The following PDGFRB variants were observed in gnomAD, a reference collection of about 807,000 sequenced individuals.
PDGFRB encodes the protein platelet derived growth factor receptor beta.
Under a neutral mutation model 120.2 loss-of-function variants are expected in PDGFRB, and 42 were observed. That is an observed-to-expected ratio of 0.35 (90% CI 0.27 to 0.45). The LOEUF (loss-of-function observed/expected upper bound fraction) is 0.45, where lower values mean the gene tolerates loss of function less well. PDGFRB is among the 20% of genes least tolerant of loss of function. The pLI is 1.00. For synonymous variants in PDGFRB, 586 were observed against 606.8 expected (o/e 0.97, Z 0.50); for missense variants, 1,149 against 1,476.3 (o/e 0.78, Z 3.63).
chr5:150,115,736 A>T lies in PDGFRB; in HGVS notation c.*27T>A, dbSNP rs2113879829. On this transcript the variant is annotated 3_prime_UTR_variant, in exon 23 of 23. Coordinates refer to ENST00000261799, the MANE Select transcript of PDGFRB (RefSeq NM_002609.4). ...TGGGTGCTGGCAGGGGGGGAGCTTCAGGCAGGGCAGGGTAGGGGCCAGCCC... is the reference window on the plus strand; with the variant it reads ...TGGGTGCTGGCAGGGGGGGAGCTTCTGGCAGGGCAGGGTAGGGGCCAGCCC... 6.5e-7 allele frequency: 1 copy of T among 1,537,650 alleles called. No individual in the cohort carries two copies. Among genetic ancestry groups the T allele is most frequent in the Non-Finnish European group, 8.8e-7 (1 of 1,142,516 alleles).
rs201913820 is a variant in PDGFRB, at chr5:150,131,453, A to G, written c.1243+526T>C. ...CCCTGATCACTGTATCAAAAATGCA[A>G]CTCACACCATCACTCTGTGCCCAGC... On this transcript the variant is annotated intron_variant, in intron 8 of 22. Coordinates refer to ENST00000261799, the MANE Select transcript of PDGFRB (RefSeq NM_002609.4). 2.2e-4 allele frequency among the ~76,000 whole-genome samples: 33 copies of G among 152,090 alleles called. No individual in the cohort carries two copies. In the East Asian group the frequency reaches 4.8e-3, roughly 22 times the overall value.
intron 8 of PDGFRB, 146 bp from the exon 9 acceptor site, chr5:150,130,808 T>C (rs1383721964): frequency 5.6e-6 from 4 of 712,512 alleles, no homozygotes; most frequent in Non-Finnish European, 9.6e-6. Flanking sequence ...GGAATCAGTG[T>C]GAAAACCGAT....
chr5:150,124,170 G>A (rs774367282), intron 14 of PDGFRB, 80 bp downstream of exon 14: 5 of 927,484 alleles, frequency 5.4e-6, no homozygotes, highest in African/African-American at 1.6e-5. Flanking sequence ...TGTTGTGCAA[G>A]GCCTGAGGGG....
chr5:150,124,326 C>T lies in PDGFRB; in HGVS notation c.1947G>A (p.Met649Ile), dbSNP rs1760231991. The T allele has an allele frequency of 1.9e-6, 3 of 1,614,168 alleles. No individual in the cohort carries two copies. Among genetic ancestry groups the T allele is most frequent in the Non-Finnish European group, 2.5e-6 (3 of 1,179,994 alleles). The change falls in exon 14 of 23, where the codon ATG (methionine) becomes ATA (isoleucine). Residue 649 changes from methionine (M) to isoleucine (I), a missense_variant. Around this residue, in one of 3 missense-constraint regions of PDGFRB, gnomAD observed 879 missense variants for 1,108.6 expected, o/e 0.79. Transcript: ENST00000261799. ...GGTGACTCATGATCTTCAGCTCCGACATAAGGGCTTGCTTCTCACTGCTGC... is the reference window on the plus strand; with the variant it reads ...GGTGACTCATGATCTTCAGCTCCGATATAAGGGCTTGCTTCTCACTGCTGC... ...TARSSEKQAL[M>I]SELKIMSHLG...
Position 150,125,523 on chromosome 5 carries a change from G to A in PDGFRB, c.1729C>T (p.His577Tyr). 6.2e-7 allele frequency: 1 copy of A among 1,613,844 alleles called. No homozygotes were observed. Among genetic ancestry groups the A allele is most frequent in the Non-Finnish European group, 8.5e-7 (1 of 1,179,734 alleles). The change falls in exon 12 of 23, where the codon CAT (histidine) becomes TAT (tyrosine). Residue 577 changes from histidine to tyrosine, a missense_variant. His to Tyr is a moderately conservative substitution (Grantham distance 83, BLOSUM62 2). Around this residue, in one of 3 missense-constraint regions of PDGFRB, gnomAD observed 879 missense variants for 1,108.6 expected, o/e 0.79. Transcript: ENST00000261799. ...ATGGGGTCCACGTAGATGTACTCAT[G>A]GCCGTCAGAGCTCACAGACTCAATC... ...KVIESVSSDG[H>Y]EYIYVDPMQL...
rs750457698 is a variant in PDGFRB at position 150,135,804 on chromosome 5, C to T, written c.115G>A (p.Gly39Arg). ...GAGACATTGAGGACAAGCTCTGGCC[C>T]CGGGGGTGTGACGACCAGGCCCTGA... ...ISQGLVVTPPGPELVLNVSST... is the reference protein window; with the variant it reads ...ISQGLVVTPPRPELVLNVSST... Residue 39 changes from glycine (G) to arginine (R), a missense_variant, in exon 3 of 23, where the codon GGG (glycine) becomes AGG (arginine). Physicochemically the swap from Gly to Arg is moderately radical, Grantham distance 125. Coordinates refer to ENST00000261799, the MANE Select transcript of PDGFRB (RefSeq NM_002609.4). The T allele has an allele frequency of 6.3e-7, 1 of 1,592,856 alleles. No individual in the cohort carries two copies. Among genetic ancestry groups the T allele is most frequent in the South Asian group, 1.1e-5 (1 of 87,478 alleles).
rs1208162112 is a variant in PDGFRB, at chr5:150,135,410, C to T, written c.364+145G>A. 3.6e-5 allele frequency: 24 copies of T among 675,644 alleles called. No homozygotes were observed. The East Asian group carries it at 3.8e-4, about 11-fold the overall frequency. 41.9% of individuals were successfully genotyped at this position (675,644 alleles called of 1,614,324 possible). A position where few individuals can be genotyped will look rare whatever the true frequency, so the allele number is the denominator to read the frequency against. The stretch of plus-strand genomic sequence containing the variant: ...AAGGAGTGGGTGCGAACACACTCCC[C>T]GACTGAGCCAGGCTGGTTCCATGAT... On this transcript the variant is annotated intron_variant, in intron 3 of 22. Transcript: ENST00000261799.
Position 150,129,948 on chromosome 5 carries a change from G to A in PDGFRB, c.1388C>T (p.Pro463Leu), listed in dbSNP as rs1760413547. ...DLKRCPRELP[P>L]TLLGNSSEEE... ...TTCGGAACTGTTCCCCAGCAGCGTG[G>A]GCGGCAGCTCACGTGGACACCTGCC... The change falls in exon 10 of 23, where the codon CCC (proline) becomes CTC (leucine). Residue 463 changes from proline to leucine, a missense_variant. Pro to Leu is a moderately conservative substitution (Grantham distance 98). Around this residue, in one of 3 missense-constraint regions of PDGFRB, gnomAD observed 879 missense variants for 1,108.6 expected, o/e 0.79. Coordinates refer to ENST00000261799, the MANE Select transcript of PDGFRB (RefSeq NM_002609.4). 2 of 1,613,734 alleles carry A rather than the reference G, an allele frequency of 1.2e-6. No homozygotes were observed. Among genetic ancestry groups the A allele is most frequent in the African/African-American group, 2.7e-5 (2 of 74,950 alleles).
In PDGFRB at chr5:150,135,803, C is replaced by G. The variant is rs2113912717; in HGVS notation, c.116G>C (p.Gly39Ala). The change falls in exon 3 of 23, where the codon GGG (glycine) becomes GCG (alanine). Residue 39 changes from glycine (G) to alanine (A), a missense_variant. Physicochemically the swap from Gly to Ala is moderately conservative, Grantham distance 60 (BLOSUM62 0). This residue lies in a region of PDGFRB where 879 missense variants were observed against 1,108.6 expected (regional missense o/e 0.79). Transcript: ENST00000261799. ...GGAGACATTGAGGACAAGCTCTGGC[C>G]CCGGGGGTGTGACGACCAGGCCCTG... ...ISQGLVVTPP[G>A]PELVLNVSST... 6.3e-7 allele frequency: 1 copy of G among 1,593,060 alleles called. No homozygotes were observed. Among genetic ancestry groups the G allele is most frequent in the East Asian group, 2.2e-5 (1 of 44,556 alleles).
chr5:150,143,731 G>A (rs925216649), intron 1 of PDGFRB, among the ~76,000 whole-genome samples: 1 of 152,124 alleles, frequency 6.6e-6, no homozygotes, highest in African/African-American at 2.4e-5. Context: ...GGATCGGAGG[G>A]TGAGGAGACA....
intron 1 of PDGFRB, 100 bp from the exon 2 acceptor site, chr5:150,137,153 AC>A: frequency 1.0e-6 from 1 of 968,726 alleles, no homozygotes; most frequent in Non-Finnish European, 1.6e-6. Flanking sequence ...AGCTTGGGCC[AC>A]CCAGCCTTCA....
intron 22 of PDGFRB, among the ~76,000 whole-genome samples, chr5:150,116,238 C>T (rs565769754): frequency 2.6e-5 from 4 of 152,336 alleles, no homozygotes; most frequent in Admixed American, 6.5e-5. Flanking sequence ...CCCTCCTCTG[C>T]ACTCCTAAAG....
At chr5:150,151,648 C>G (rs1761079894) in intron 1 of PDGFRB, among the ~76,000 whole-genome samples, 1 of 151,966 alleles carries the variant, frequency 6.6e-6, no homozygotes, top group African/African-American at 2.4e-5. Flanking sequence ...CACTTGAGGT[C>G]AGGTAGTTCG....
chr5:150,128,067 C>G (rs760370449), intron 10 of PDGFRB, among the ~76,000 whole-genome samples: 4 of 152,130 alleles, frequency 2.6e-5, no homozygotes, highest in Admixed American at 1.3e-4. Context: ...TCCCTCCTCC[C>G]GCTCATCACA....
rs764858656 is a variant in PDGFRB at position 150,135,642 on chromosome 5, G to T, written c.277C>A (p.Leu93Ile). Residue 93 changes from leucine (L) to isoleucine (I), a missense_variant, in exon 3 of 23, where the codon CTA becomes ATA. Physicochemically the swap from Leu to Ile is conservative, Grantham distance 5. Transcript: ENST00000261799. ...GTGCAAAAGTATTCTCCCGTGTCTA[G>T]CCCAGTGAGGTTGGTCAGTGTGAGC... Reference protein sequence around the residue: ...SVLTLTNLTGLDTGEYFCTHN... With the variant: ...SVLTLTNLTGIDTGEYFCTHN... 15 of 1,613,846 alleles carry T rather than the reference G, an allele frequency of 9.3e-6. No homozygotes were observed. In the Admixed American group the frequency reaches 2.5e-4, roughly 27 times the overall value.
chr5:150,135,924 A>C (rs2113912997), intron 2 of PDGFRB, 46 bp from the exon 3 acceptor site: 2 of 1,378,820 alleles, frequency 1.5e-6, no homozygotes, highest in Non-Finnish European at 2.0e-6. Flanking sequence ...GGGCTTCAGC[A>C]CCTCTCCCAA....
Position 150,121,125 on chromosome 5 carries a change from G to T in PDGFRB, c.2463+79C>A. 1 of 1,384,634 alleles carries T rather than the reference G, an allele frequency of 7.2e-7. No homozygotes were observed. Among genetic ancestry groups the T allele is most frequent in the Non-Finnish European group, 1.0e-6 (1 of 970,690 alleles). 85.8% of individuals were successfully genotyped at this position (1,384,634 alleles called of 1,614,324 possible). On this transcript the variant is annotated intron_variant, in intron 17 of 22. Coordinates refer to ENST00000261799, the MANE Select transcript of PDGFRB (RefSeq NM_002609.4). This position sits in a 1 kb window ranked among gnomAD's most constrained non-coding sequence, Gnocchi z 4.1. ...CCCATGTGCGAGAGGCCACCCTGGT[G>T]TGCTCTTGGAGGATGCTGGCTGGCT...
In PDGFRB at chr5:150,121,972, T is replaced by C. The variant is rs762698498; in HGVS notation, c.2252A>G (p.Tyr751Cys). 1.9e-6 allele frequency: 3 copies of C among 1,613,466 alleles called. No individual in the cohort carries two copies. Among genetic ancestry groups the C allele is most frequent in the East Asian group, 2.2e-5 (1 of 44,896 alleles). Residue 751 changes from tyrosine to cysteine, a missense_variant, in exon 16 of 23, where the codon TAT (tyrosine) becomes TGT (cysteine). By Grantham distance (194) the Tyr-to-Cys change is radical. Around this residue, in one of 3 missense-constraint regions of PDGFRB, gnomAD observed 879 missense variants for 1,108.6 expected, o/e 0.79. Transcript: ENST00000261799. This position sits in a 1 kb window ranked among gnomAD's most constrained non-coding sequence, Gnocchi z 4.1. ...MDMSKDESVD[Y>C]VPMLDMKGDV... ...TCCTTTCATGTCCAGCATGGGCACATAGTCCACCGACTCGTCCTTGCTCAT... is the reference window on the plus strand; with the variant it reads ...TCCTTTCATGTCCAGCATGGGCACACAGTCCACCGACTCGTCCTTGCTCAT...
rs114097533 is a variant in PDGFRB, at chr5:150,141,271, C to T, written c.-6-4218G>A. ...GTGTATGCAGCACATACAACATGCACAGAACATGTGCACATAGAACCCCAA... is the reference window on the plus strand; with the variant it reads ...GTGTATGCAGCACATACAACATGCATAGAACATGTGCACATAGAACCCCAA... On this transcript the variant is annotated intron_variant, in intron 1 of 22. Transcript: ENST00000261799. 7.1e-3 allele frequency among the ~76,000 whole-genome samples: 1,086 copies of T among 152,338 alleles called. 15 individuals are homozygous for T. The highest frequency in any genetic ancestry group is 0.025 in the African/African-American group (1,058 of 41,568).
Sources: allele counts gnomAD v4.1 joint callset (sites outside exome capture counted in the v4.1 genomes callset), GRCh38; gene constraint gnomAD v4.1.1; regional missense constraint gnomAD v4.1.1; non-coding constraint Gnocchi (gnomAD v3.1); transcripts MANE v1.5; gene names NCBI Gene and HGNC (gene_info 2026-07-23, HGNC 2026-07-21).